The following TMEM63A variants were observed in gnomAD, a reference collection of about 807,000 sequenced individuals.
TMEM63A encodes the protein transmembrane protein 63A.
A neutral mutation model predicts 100.6 loss-of-function variants in TMEM63A; 76 were observed. The observed-to-expected ratio is 0.76, with a 90% CI of 0.63 to 0.91. The LOEUF is 0.91. Among genes scored for constraint, TMEM63A ranks in the 40% least tolerant of loss-of-function variants. The pLI is 0.00. For missense variants in TMEM63A, 876 were observed against 1,008.8 expected (o/e 0.87, Z 1.78); for synonymous variants, 401 against 401.1 (o/e 1.00, Z 0.00).
Position 225,867,348 on chromosome 1 carries a change from C to T in TMEM63A, c.515-185G>A, listed in dbSNP as rs1670264170. On this transcript the variant is annotated intron_variant, in intron 7 of 24. Coordinates refer to ENST00000366835, the MANE Select transcript of TMEM63A (RefSeq NM_014698.3). The surrounding 1 kb of genome is among the most constrained non-coding windows in gnomAD (Gnocchi z 4.6). ...GCCTCTGCTTGAAACCAAAATGCTC[C>T]CTGATAACTTCTCAACCTTCCATTG... 6.6e-6 allele frequency among the ~76,000 whole-genome samples: 1 copy of T among 152,112 alleles called. No homozygotes were observed. The highest frequency in any genetic ancestry group is 1.5e-5 in the Non-Finnish European group (1 of 68,026).
Position 225,853,437 on chromosome 1 carries a change from G to C in TMEM63A, c.1797+192C>G, listed in dbSNP as rs899251259. On this transcript the variant is annotated intron_variant, in intron 19 of 24. Coordinates refer to ENST00000366835, the MANE Select transcript of TMEM63A (RefSeq NM_014698.3). This position sits in a 1 kb window ranked among gnomAD's most constrained non-coding sequence, Gnocchi z 4.0. ...GCTCTCTCCTCCAGCCTGTGAGCTA[G>C]AGAGGAGGCTGGAGGAGGCCACGCC... Among the ~76,000 whole-genome samples the C allele has an allele frequency of 2.0e-5, 3 of 152,222 alleles. No homozygotes were observed. Among genetic ancestry groups the C allele is most frequent in the Admixed American group, 2.0e-4 (3 of 15,286 alleles).
Position 225,867,978 on chromosome 1 carries a change from A to G in TMEM63A, c.424T>C (p.Phe142Leu). ...CGEDAIHYLS[F>L]QRHIIFLLVV... ...AACAGGAAGATGATGTGCCTCTGGA[A>G]GGACAGGTAGTGGATGGCGTCCTCC... Residue 142 changes from phenylalanine (F) to leucine (L), a missense_variant, in exon 7 of 25, where the codon TTC becomes CTC. Physicochemically the swap from Phe to Leu is conservative, Grantham distance 22 (BLOSUM62 0). Around this residue, in one of 5 missense-constraint regions of TMEM63A, gnomAD observed 487 missense variants for 581.9 expected, o/e 0.84. Coordinates refer to ENST00000366835, the MANE Select transcript of TMEM63A (RefSeq NM_014698.3). This position sits in a 1 kb window ranked among gnomAD's most constrained non-coding sequence, Gnocchi z 4.6. 6.2e-7 allele frequency: 1 copy of G among 1,614,208 alleles called. No individual in the cohort carries two copies. The highest frequency in any genetic ancestry group is 8.5e-7 in the Non-Finnish European group (1 of 1,180,026).
At position 225,856,873 on chromosome 1, in the gene TMEM63A, T is replaced by C. The variant is rs745667844; in HGVS notation, c.1484+38A>G. 3.7e-6 allele frequency: 6 copies of C among 1,601,226 alleles called. No individual in the cohort carries two copies. In the African/African-American group the frequency reaches 6.7e-5, roughly 18 times the overall value. ...GACAAGGGAGCGGTCAGAGATATCC[T>C]TCTTAGGGGCAGGGCCTCGGGGCTC... On this transcript the variant is annotated intron_variant, in intron 16 of 24. Transcript: ENST00000366835.
Position 225,854,059 on chromosome 1 carries a change from G to A in TMEM63A, c.1635-268C>T, listed in dbSNP as rs574615747. Among the ~76,000 whole-genome samples the A allele has an allele frequency of 5.3e-5, 8 of 152,274 alleles. No individual in the cohort carries two copies. In the East Asian group the frequency reaches 5.8e-4, roughly 11 times the overall value. ...AACAAATATTCCATCTGCTGGGGAC[G>A]GTGAGCACTAGAGGAAAACAAAGCA... is the stretch of plus-strand genomic sequence containing the variant. On this transcript the variant is annotated intron_variant, in intron 18 of 24. Transcript: ENST00000366835.
At chr1:225,863,458 C>T (rs1251059255) in intron 10 of TMEM63A, among the ~76,000 whole-genome samples, 1 of 152,220 alleles carries the variant, frequency 6.6e-6, no homozygotes, top group Non-Finnish European at 1.5e-5. Flanking sequence ...TCACTATCCC[C>T]TCTAAAGACC....
At chr1:225,842,982 C>CCTTT (rs1173999534), downstream of TMEM63A, among the ~76,000 whole-genome samples, 2 of 152,226 alleles carry the variant, frequency 1.3e-5, no homozygotes, top group Non-Finnish European at 2.9e-5. Flanking sequence ...TCTGACCCAC[C>CCTTT]CTTTCCAGGG....
downstream of TMEM63A, chr1:225,840,868 A>C (rs1159967076): frequency 2.0e-5 from 3 of 152,266 alleles, no homozygotes; most frequent in Non-Finnish European, 4.4e-5. Flanking sequence ...ATGCCCACAC[A>C]CACGAGGCAG....
Position 225,867,212 on chromosome 1 carries a change from G to C in TMEM63A, c.515-49C>G. On this transcript the variant is annotated intron_variant, in intron 7 of 24. Coordinates refer to ENST00000366835, the MANE Select transcript of TMEM63A (RefSeq NM_014698.3). This position sits in a 1 kb window ranked among gnomAD's most constrained non-coding sequence, Gnocchi z 4.6. ...GTTCCAGGGTCATGTGGGGAAGCAG[G>C]AGGGGGCGTAACCAATCAGCCTTGG... The C allele has an allele frequency of 1.3e-6, 2 of 1,597,558 alleles. No individual in the cohort carries two copies. Among genetic ancestry groups the C allele is most frequent in the Non-Finnish European group, 1.7e-6 (2 of 1,165,000 alleles).
At chr1:225,849,546 T>C (rs1401048984) in intron 21 of TMEM63A, among the ~76,000 whole-genome samples, 2 of 152,204 alleles carry the variant, frequency 1.3e-5, no homozygotes, top group Non-Finnish European at 2.9e-5. Context: ...ATAAAGGCAC[T>C]ATCTTCTCTC....
At chr1:225,852,028 C>T (rs1464804178) in intron 20 of TMEM63A, among the ~76,000 whole-genome samples, 1 of 152,284 alleles carries the variant, frequency 6.6e-6, no homozygotes, top group Non-Finnish European at 1.5e-5. Flanking sequence ...AGGCAGGCAT[C>T]TGCCAGAGTG....
At chr1:225,849,862 T>C in intron 21 of TMEM63A, 50 bp downstream of exon 21, 1 of 1,594,196 alleles carries the variant, frequency 6.3e-7, no homozygotes. Flanking sequence ...CTGGTGGGGA[T>C]GCAGGGCTGG....
chr1:225,846,797 G>A lies in TMEM63A; in HGVS notation c.*142C>T, dbSNP rs542923778. On this transcript the variant is annotated 3_prime_UTR_variant, in exon 25 of 25. Coordinates refer to ENST00000366835, the MANE Select transcript of TMEM63A (RefSeq NM_014698.3). Reference sequence around the variant, plus strand: ...AGCAAGGGAGGGGCGAGGCCTGCCTGTGCTCTCCTCACCACTGCTGGGACC... The same window carrying A: ...AGCAAGGGAGGGGCGAGGCCTGCCTATGCTCTCCTCACCACTGCTGGGACC... 1.4e-5 allele frequency: 6 copies of A among 432,168 alleles called. No individual in the cohort carries two copies. The highest frequency in any genetic ancestry group is 2.4e-5 in the Non-Finnish European group (6 of 247,492). The allele number at this position is 432,168 out of a possible 1,614,324, so 26.8% of individuals were successfully genotyped here.
chr1:225,846,901 A>G lies in TMEM63A; in HGVS notation c.*38T>C. ...CAGCCAAGGGCCTGAGCCCCAGGCC[A>G]TTCTGGTTGTGTCTTTTCAGAGCAG... On this transcript the variant is annotated 3_prime_UTR_variant, in exon 25 of 25. Coordinates refer to ENST00000366835, the MANE Select transcript of TMEM63A (RefSeq NM_014698.3). The G allele has an allele frequency of 2.7e-6, 3 of 1,113,758 alleles. No homozygotes were observed. The highest frequency in any genetic ancestry group is 3.7e-6 in the Non-Finnish European group (3 of 812,134). The allele number at this position is 1,113,758 out of a possible 1,614,324, so 69.0% of individuals were successfully genotyped here. A position where few individuals can be genotyped will look rare whatever the true frequency, so the allele number is the denominator to read the frequency against.
Position 225,847,138 on chromosome 1 carries a change from T to C in TMEM63A, c.2326A>G (p.Thr776Ala). ...CTGATGTTGTGGATGGCACCATAGGTCTGCTGCTGCTGCTGCTGCGGAGAC... is the reference window on the plus strand; with the variant it reads ...CTGATGTTGTGGATGGCACCATAGGCCTGCTGCTGCTGCTGCTGCGGAGAC... ...ALSPQQQQQQ[T>A]YGAIHNISGT... is the part of the protein sequence containing the mutation. The change falls in exon 24 of 25, where the codon ACC (threonine) becomes GCC (alanine). Residue 776 changes from threonine to alanine, a missense_variant. Transcript: ENST00000366835. 1 of 1,612,108 alleles carries C rather than the reference T, an allele frequency of 6.2e-7. No homozygotes were observed. Among genetic ancestry groups the C allele is most frequent in the Non-Finnish European group, 8.5e-7 (1 of 1,178,984 alleles).
At chr1:225,859,414 C>T in intron 14 of TMEM63A, 65 bp from the exon 15 acceptor site, 1 of 1,591,842 alleles carries the variant, frequency 6.3e-7, no homozygotes, top group South Asian at 1.1e-5. Context: ...TTAGGTGGGT[C>T]AGAAGGTCAG....
At chr1:225,848,285 ACT>A (rs1669124959) in intron 23 of TMEM63A, 4 of 587,794 alleles carry the variant, frequency 6.8e-6, no homozygotes, top group Non-Finnish European at 9.0e-6. Flanking sequence ...TCGAGACAAG[ACT>A]CTATCTCCTC....
chr1:225,845,499 TCCCCAAC>T, downstream of TMEM63A: 3 of 724,746 alleles, frequency 4.1e-6, no homozygotes, highest in South Asian at 3.6e-5. Flanking sequence ...CCAAGCTCAC[TCCCCAAC>T]CCCCAACTCC....
At chr1:225,878,877 TACCTACCTACACACACACACAC>T (rs1042334092) in intron 2 of TMEM63A, among the ~76,000 whole-genome samples, 2 of 117,362 alleles carry the variant, frequency 1.7e-5, no homozygotes, top group African/African-American at 3.7e-5. Context: ...CCTACCTACC[TACCTACCTACACACACACACAC>T]ACACACACAC....
chr1:225,872,689 C>CTTTTTTTTTTTTTTTTTTT (rs67884791), intron 4 of TMEM63A, among the ~76,000 whole-genome samples: 1 of 87,060 alleles, frequency 1.1e-5, no homozygotes, highest in Non-Finnish European at 2.2e-5. Flanking sequence ...TGCTTTTCTT[C>CTTTTTTTTTTTTTTTTTTT]TTTTTTTTTT....
Sources: gnomAD v4.1 joint callset for allele counts (sites outside exome capture counted in the v4.1 genomes callset) on GRCh38, gnomAD v4.1.1 for gene constraint, gnomAD v4.1.1 regional missense constraint, Gnocchi (gnomAD v3.1) non-coding constraint, MANE v1.5 for transcripts, NCBI Gene and HGNC (gene_info 2026-07-23, HGNC 2026-07-21) for gene names.